The following RAB40B variants were observed in gnomAD, a reference collection of about 807,000 sequenced individuals.
RAB40B encodes RAB40B, member RAS oncogene family.
RAB40B carries 21 observed loss-of-function variants against 24.0 expected under a neutral mutation model. The ratio of observed to expected loss-of-function variants is 0.88; its 90% CI spans 0.62 to 1.26. RAB40B has a LOEUF of 1.26. RAB40B is among the 50% of genes most tolerant of loss of function. RAB40B has a pLI of 0.00. For synonymous variants in RAB40B, 167 were observed against 169.8 expected, an observed-to-expected ratio of 0.98 and a Z score of 0.13; for missense variants, 348 against 390.5, an observed-to-expected ratio of 0.89 and a Z score of 0.92.
rs1176641410 is a variant in RAB40B at position 82,658,725 on chromosome 17, G to C, written c.343-12C>G. 6.2e-7 allele frequency: 1 copy of C among 1,601,964 alleles called. No individual in the cohort carries two copies. The highest frequency in any genetic ancestry group is 8.5e-7 in the Non-Finnish European group (1 of 1,173,268). Reference sequence around the variant, plus strand: ...ACTCCGGGGGCATGCTAGCGGGCAGGAGAAAGGCGAGGAGCATGGGTTACT... The same window carrying C: ...ACTCCGGGGGCATGCTAGCGGGCAGCAGAAAGGCGAGGAGCATGGGTTACT... On this transcript the variant is annotated splice_polypyrimidine_tract_variant and intron_variant, in intron 4 of 5. Coordinates refer to ENST00000571995, the MANE Select transcript of RAB40B (RefSeq NM_006822.3).
chr17:82,683,591 G>T (rs759274043), intron 1 of RAB40B, among the ~76,000 whole-genome samples: 22 of 151,850 alleles, frequency 1.4e-4, no homozygotes, highest in Non-Finnish European at 2.2e-4. Context: ...ATCTCTTGAG[G>T]ATCTCTCAAG....
intron 1 of RAB40B, among the ~76,000 whole-genome samples, chr17:82,693,793 T>G (rs1040377758): frequency 6.6e-6 from 1 of 151,934 alleles, no homozygotes; most frequent in Non-Finnish European, 1.5e-5. Context: ...GTCACAGAAG[T>G]GCACATTGGC....
intron 1 of RAB40B, among the ~76,000 whole-genome samples, chr17:82,671,362 TAACA>T (rs1381099158): frequency 6.8e-6 from 1 of 147,150 alleles, no homozygotes; most frequent in African/African-American, 2.5e-5. Context: ...CCTGTAACTC[TAACA>T]CACACACTCT....
At chr17:82,666,338 G>A (rs1054827663) in intron 1 of RAB40B, among the ~76,000 whole-genome samples, 4 of 151,938 alleles carry the variant, frequency 2.6e-5, no homozygotes, top group South Asian at 4.1e-4. Flanking sequence ...TCGGCCTCCT[G>A]AGTTCAAGTG....
At chr17:82,684,761 C>T (rs1246786698) in intron 1 of RAB40B, among the ~76,000 whole-genome samples, 1 of 152,112 alleles carries the variant, frequency 6.6e-6, no homozygotes, top group African/African-American at 2.4e-5. Context: ...GAAACTTCTG[C>T]GTGGTGGAGG....
At chr17:82,694,707 C>T (rs61519669) in intron 1 of RAB40B, among the ~76,000 whole-genome samples, 3,851 of 151,736 alleles carry the variant, frequency 0.025, 278 homozygotes, top group African/African-American at 0.089. Flanking sequence ...GAAGGACAAG[C>T]CTCCACATGG....
In RAB40B at chr17:82,692,714, T is replaced by A. The variant is rs562016421; in HGVS notation, c.142+5741A>T. ...ATGCTTGTAGAGAACATTTTTTTTT[T>A]AAATCTGGGAGCAGCAAAGGTTTGT... On this transcript the variant is annotated intron_variant, in intron 1 of 5. Transcript: ENST00000571995. The surrounding 1 kb of genome is among the most constrained non-coding windows in gnomAD (Gnocchi z 4.0). Among the ~76,000 whole-genome samples the A allele has an allele frequency of 2.2e-3, 329 of 152,294 alleles. 1 individual carries two copies. The highest frequency in any genetic ancestry group is 2.8e-3 in the Non-Finnish European group (188 of 68,010).
At chr17:82,674,716 G>T (rs2046379387) in intron 1 of RAB40B, among the ~76,000 whole-genome samples, 1 of 152,032 alleles carries the variant, frequency 6.6e-6, no homozygotes, top group East Asian at 1.9e-4. Context: ...AACGGGGGAG[G>T]GGCCTCCTTG....
At chr17:82,661,094 C>G in intron 2 of RAB40B, 47 bp from the exon 3 acceptor site, 1 of 1,604,424 alleles carries the variant, frequency 6.2e-7, no homozygotes, top group Non-Finnish European at 8.5e-7. Context: ...GTGCTTCTTC[C>G]TGACAACAGG....
intron 1 of RAB40B, among the ~76,000 whole-genome samples, chr17:82,683,924 T>A (rs1385939487): frequency 6.6e-6 from 1 of 151,032 alleles, no homozygotes; most frequent in Admixed American, 6.6e-5. Flanking sequence ...CAAATTAAAA[T>A]TACAATAAGA....
chr17:82,696,330 AG>A (rs1160645075), intron 1 of RAB40B: 1 of 152,340 alleles, frequency 6.6e-6, no homozygotes, highest in Admixed American at 6.5e-5. Flanking sequence ...ACCAACCAGA[AG>A]GAAGTTTCAC....
At chr17:82,666,547 T>C (rs1568033714) in intron 1 of RAB40B, among the ~76,000 whole-genome samples, 2 of 152,136 alleles carry the variant, frequency 1.3e-5, no homozygotes, top group African/African-American at 2.4e-5. Flanking sequence ...TCCCGGCCAA[T>C]AAATATTTTT....
intron 1 of RAB40B, among the ~76,000 whole-genome samples, chr17:82,694,406 C>T (rs2046587974): frequency 6.6e-6 from 1 of 151,454 alleles, no homozygotes; most frequent in East Asian, 1.9e-4. Flanking sequence ...GTGGCAGGCA[C>T]CTGTAATCCC....
chr17:82,664,359 G>C (rs2046226330), intron 2 of RAB40B, 137 bp downstream of exon 2: 1 of 770,886 alleles, frequency 1.3e-6, no homozygotes, highest in African/African-American at 1.8e-5. Flanking sequence ...GTGGTGGGAG[G>C]GTGTTCCCGG....
Position 82,667,385 on chromosome 17 carries a change from C to T in RAB40B, c.143-2829G>A, listed in dbSNP as rs1286502116. ...CTCTGGGCCTCTGTCCTCCACTTTC[C>T]ACTGATGCAGCCATGAGCACGTGCA... On this transcript the variant is annotated intron_variant, in intron 1 of 5. Transcript: ENST00000571995. The surrounding 1 kb of genome is among the most constrained non-coding windows in gnomAD (Gnocchi z 4.3). Among the ~76,000 whole-genome samples the T allele has an allele frequency of 1.3e-5, 2 of 152,238 alleles. No homozygotes were observed. Among genetic ancestry groups the T allele is most frequent in the Non-Finnish European group, 2.9e-5 (2 of 68,032 alleles).
At chr17:82,678,256 T>C (rs1488209928) in intron 1 of RAB40B, among the ~76,000 whole-genome samples, 1 of 152,234 alleles carries the variant, frequency 6.6e-6, no homozygotes, top group Non-Finnish European at 1.5e-5. Context: ...GTGTTAGCGT[T>C]AGGATAATAC....
At position 82,678,870 on chromosome 17, in the gene RAB40B, C is replaced by T. The variant is rs900769583; in HGVS notation, c.143-14314G>A. On this transcript the variant is annotated intron_variant, in intron 1 of 5. Transcript: ENST00000571995. Reference sequence around the variant, plus strand: ...TGTGTGGTTTTTGTGAAAGCAGCTCCCTTTCTGCGTTTTTTTTTTTTTTTT... The same window carrying T: ...TGTGTGGTTTTTGTGAAAGCAGCTCTCTTTCTGCGTTTTTTTTTTTTTTTT... Among the ~76,000 whole-genome samples the T allele has an allele frequency of 1.2e-4, 18 of 144,142 alleles. No homozygotes were observed. The East Asian group carries it at 3.7e-3, about 29-fold the overall frequency. 94.6% of individuals were successfully genotyped at this position (144,142 alleles called of 152,430 possible).
chr17:82,668,800 G>A (rs140709442), intron 1 of RAB40B, among the ~76,000 whole-genome samples: 1,616 of 152,354 alleles, frequency 0.011, 13 homozygotes, highest in Non-Finnish European at 0.018. Context: ...GCCGCGGCAC[G>A]CAGGGAAGGC....
rs1490507003 is a variant in RAB40B, at chr17:82,664,287, C to T, written c.203+209G>A. Among the ~76,000 whole-genome samples the T allele has an allele frequency of 2.1e-4, 25 of 121,600 alleles. 1 individual carries two copies. Among genetic ancestry groups the T allele is most frequent in the Admixed American group, 2.0e-3 (22 of 11,258 alleles). The allele number at this position is 121,600 out of a possible 152,430, so 79.8% of individuals were successfully genotyped here. On this transcript the variant is annotated intron_variant, in intron 2 of 5. Transcript: ENST00000571995. ...ATGGTGGTGGGGGGAGGGTGCTCCCCGGGGTGCTGTGCTGATGGTGGTGGG... is the reference window on the plus strand; with the variant it reads ...ATGGTGGTGGGGGGAGGGTGCTCCCTGGGGTGCTGTGCTGATGGTGGTGGG...
Sources: gnomAD v4.1 joint callset for allele counts (sites outside exome capture counted in the v4.1 genomes callset) on GRCh38, gnomAD v4.1.1 for gene constraint, Gnocchi (gnomAD v3.1) non-coding constraint, MANE v1.5 for transcripts, NCBI Gene and HGNC (gene_info 2026-07-23, HGNC 2026-07-21) for gene names.